COL11A1: variants seen among roughly 807,000 people sequenced by gnomAD.
COL11A1 encodes the protein collagen alpha-1(XI) chain.
A neutral mutation model predicts 265.2 loss-of-function variants in COL11A1; 74 were observed. The observed-to-expected ratio is 0.28, with a 90% CI of 0.23 to 0.34. The LOEUF (loss-of-function observed/expected upper bound fraction) is 0.34, where lower values mean the gene tolerates loss of function less well. Among genes scored for constraint, COL11A1 ranks in the 10% least tolerant of loss-of-function variants. The pLI, the probability that COL11A1 is intolerant of heterozygous loss-of-function variation, is 1.00. For synonymous variants in COL11A1, 816 were observed against 727.6 expected, an observed-to-expected ratio of 1.12 and a Z score of -1.96; for missense variants, 2,165 against 2,263.6, an observed-to-expected ratio of 0.96 and a Z score of 0.88.
chr1:103,017,961 A>G, intron 10 of COL11A1, 79 bp from the exon 11 acceptor site: 1 of 1,109,682 alleles, frequency 9.0e-7, no homozygotes. Context: ...GTCCTATCGA[A>G]GAGTTCGTTT....
intron 37 of COL11A1, among the ~76,000 whole-genome samples, chr1:102,968,565 A>T (rs774282575): frequency 7.9e-5 from 12 of 152,206 alleles, no homozygotes; most frequent in Middle Eastern, 3.2e-3. Context: ...TTTAAATAAG[A>T]TAATAAATAT....
chr1:103,079,192 T>A (rs1221547955), intron 2 of COL11A1, among the ~76,000 whole-genome samples: 4 of 152,152 alleles, frequency 2.6e-5, no homozygotes, highest in Non-Finnish European at 5.9e-5. Context: ...AACATTTATT[T>A]AAGTGCTAAT....
In COL11A1 at chr1:103,062,317, T is replaced by C. The variant is rs557268504; in HGVS notation, c.651+12301A>G. Among the ~76,000 whole-genome samples, 3 of 152,036 alleles carry C rather than the reference T, an allele frequency of 2.0e-5. No individual in the cohort carries two copies. In the East Asian group the frequency reaches 5.8e-4, roughly 29 times the overall value. Reference sequence around the variant, plus strand: ...AATATAGAAGCGAAAGGAATATTACTAACTGATCTTATGAGGTCACATCAC... The same window carrying C: ...AATATAGAAGCGAAAGGAATATTACCAACTGATCTTATGAGGTCACATCAC... On this transcript the variant is annotated intron_variant, in intron 4 of 66. Coordinates refer to ENST00000370096, the MANE Select transcript of COL11A1 (RefSeq NM_001854.4).
At chr1:102,884,423 T>A (rs2101032112) in intron 63 of COL11A1, 1 of 152,320 alleles carries the variant, frequency 6.6e-6, no homozygotes, top group East Asian at 1.9e-4. Context: ...AACAATTGGT[T>A]GCAGCTGGTG....
At chr1:102,907,878 CT>C (rs1654179390) in intron 54 of COL11A1, among the ~76,000 whole-genome samples, 1 of 151,940 alleles carries the variant, frequency 6.6e-6, no homozygotes, top group African/African-American at 2.4e-5. Flanking sequence ...TTCCTTGAGT[CT>C]TTTGGTGGAT....
chr1:103,070,637 A>C (rs555765117), intron 4 of COL11A1, among the ~76,000 whole-genome samples: 187 of 152,048 alleles, frequency 1.2e-3, no homozygotes, highest in African/African-American at 4.3e-3. Flanking sequence ...ATGGTTTCAC[A>C]GCTGTATACA....
chr1:102,898,119 A>G lies in COL11A1; in HGVS notation c.4302+6T>C. On this transcript the variant is annotated splice_donor_region_variant and intron_variant, in intron 57 of 66. Coordinates refer to ENST00000370096, the MANE Select transcript of COL11A1 (RefSeq NM_001854.4). ...CTTTTTAAATGACTGAAAAGATCTTACTCACCATAGGACCAGGTGGTCCAT... is the reference window on the plus strand; with the variant it reads ...CTTTTTAAATGACTGAAAAGATCTTGCTCACCATAGGACCAGGTGGTCCAT... 1 of 1,554,478 alleles carries G rather than the reference A, an allele frequency of 6.4e-7. No individual in the cohort carries two copies. Among genetic ancestry groups the G allele is most frequent in the Middle Eastern group, 1.8e-4 (1 of 5,634 alleles).
Position 102,890,390 on chromosome 1 carries a change from G to A in COL11A1, c.4356+61C>T. 3.6e-6 allele frequency: 5 copies of A among 1,373,804 alleles called. No individual in the cohort carries two copies. In the South Asian group the frequency reaches 6.8e-5, roughly 19 times the overall value. The allele number at this position is 1,373,804 out of a possible 1,614,324, so 85.1% of individuals were successfully genotyped here. The stretch of plus-strand genomic sequence containing the variant: ...TTTTGAATGATTTTAATCTGCAAAA[G>A]CAGGGCTATTAGTATATAAAAGCAT... On this transcript the variant is annotated intron_variant, in intron 58 of 66. Transcript: ENST00000370096.
chr1:102,887,625 A>T (rs1651164957), intron 62 of COL11A1, among the ~76,000 whole-genome samples: 1 of 152,200 alleles, frequency 6.6e-6, no homozygotes, highest in Non-Finnish European at 1.5e-5. Flanking sequence ...TCAAATAGTT[A>T]TCATATTGTC....
chr1:103,087,523 C>A (rs951209279), intron 1 of COL11A1, among the ~76,000 whole-genome samples: 1 of 152,186 alleles, frequency 6.6e-6, no homozygotes, highest in African/African-American at 2.4e-5. Context: ...TCCTACCACT[C>A]TAAGCTCACT....
At position 103,031,105 on chromosome 1, in the gene COL11A1, G is replaced by A; in HGVS notation, c.780+11C>T. On this transcript the variant is annotated intron_variant, in intron 5 of 66. Transcript: ENST00000370096. ...AAATACGAAGACCTTCTCTGGTCTT[G>A]TGCTCCTCACCTCATCTATCTGAGG... 1.2e-6 allele frequency: 2 copies of A among 1,613,234 alleles called. No individual in the cohort carries two copies. The highest frequency in any genetic ancestry group is 1.7e-6 in the Non-Finnish European group (2 of 1,179,494).
intron 1 of COL11A1, among the ~76,000 whole-genome samples, chr1:103,083,756 C>A (rs1672626562): frequency 6.6e-6 from 1 of 152,062 alleles, no homozygotes. Context: ...GATATTACTC[C>A]ATACTTCATT....
intron 65 of COL11A1, among the ~76,000 whole-genome samples, chr1:102,880,300 A>AT (rs1309849674): frequency 6.6e-6 from 1 of 152,212 alleles, no homozygotes; most frequent in Non-Finnish European, 1.5e-5. Context: ...TCTCAGAATA[A>AT]TGCAAAGATT....
At chr1:103,091,349 A>T (rs1673306140) in intron 1 of COL11A1, among the ~76,000 whole-genome samples, 1 of 152,074 alleles carries the variant, frequency 6.6e-6, no homozygotes, top group African/African-American at 2.4e-5. Context: ...ATTTGAAAAG[A>T]TACAGAAGTT....
intron 57 of COL11A1, among the ~76,000 whole-genome samples, chr1:102,894,805 T>A (rs1652209347): frequency 6.6e-6 from 1 of 152,136 alleles, no homozygotes; most frequent in South Asian, 2.1e-4. Flanking sequence ...AAACAGAGTC[T>A]CGCTCAGTCA....
At chr1:102,914,873 G>T in intron 50 of COL11A1, 62 bp from the exon 51 acceptor site, 1 of 1,375,676 alleles carries the variant, frequency 7.3e-7, no homozygotes, top group Non-Finnish European at 1.0e-6. Context: ...TACAAGTTTT[G>T]CATAAAAGTT....
chr1:103,108,142 A>C lies in COL11A1; in HGVS notation c.37T>G (p.Trp13Gly). The part of the protein sequence containing the change: ...PWSSRWKTKR[W>G]LWDFTVTTLA... Reference sequence around the variant, plus strand: ...GTTGTTACGGTGAAATCCCAGAGCCACCGTTTCGTTTTCCACCTAGAGGAC... The same window carrying C: ...GTTGTTACGGTGAAATCCCAGAGCCCCCGTTTCGTTTTCCACCTAGAGGAC... The change falls in exon 1 of 67, where the codon TGG becomes GGG. Residue 13 changes from tryptophan (W) to glycine (G), a missense_variant. Transcript: ENST00000370096. 6.2e-7 allele frequency: 1 copy of C among 1,613,726 alleles called. No homozygotes were observed. The highest frequency in any genetic ancestry group is 8.5e-7 in the Non-Finnish European group (1 of 1,179,940).
At position 103,022,891 on chromosome 1, in the gene COL11A1, C is replaced by T. The variant is rs773168949; in HGVS notation, c.1096G>A (p.Asp366Asn). 12 of 1,613,730 alleles carry T rather than the reference C, an allele frequency of 7.4e-6. No homozygotes were observed. Among genetic ancestry groups the T allele is most frequent in the Non-Finnish European group, 1.0e-5 (12 of 1,179,944 alleles). ...ACCAGAAGATCAGAATCCCTGCCGT[C>T]TATTTCTTTGTTTTCATATAGTGTA... ...EDTLYENKEI[D>N]GRDSDLLVDG... The change falls in exon 8 of 67, where the codon GAC (aspartate) becomes AAC (asparagine). Residue 366 changes from aspartate to asparagine, a missense_variant. Physicochemically the swap from Asp to Asn is conservative, Grantham distance 23 (BLOSUM62 1). Coordinates refer to ENST00000370096, the MANE Select transcript of COL11A1 (RefSeq NM_001854.4).
chr1:102,994,898 G>C (rs1327334942), intron 28 of COL11A1, among the ~76,000 whole-genome samples: 1 of 152,074 alleles, frequency 6.6e-6, no homozygotes, highest in Non-Finnish European at 1.5e-5. Context: ...AATCATGGTA[G>C]AAGGCAAAGG....
Sources: allele counts gnomAD v4.1 joint callset (sites outside exome capture counted in the v4.1 genomes callset), GRCh38; gene constraint gnomAD v4.1.1; transcripts MANE v1.5; gene names NCBI Gene and HGNC (gene_info 2026-07-23, HGNC 2026-07-21).